Variants in CASZ1 observed in about 807,000 individuals in gnomAD.
The protein encoded by CASZ1 is castor zinc finger 1.
A neutral mutation model predicts 135.2 loss-of-function variants in CASZ1; 28 were observed. The observed-to-expected ratio is 0.21, with a 90% CI of 0.15 to 0.28. The LOEUF (loss-of-function observed/expected upper bound fraction) is 0.28. Ranked by LOEUF, CASZ1 falls within the 10% of genes least tolerant of loss-of-function variation. The pLI, the probability that CASZ1 is intolerant of heterozygous loss-of-function variation, is 1.00. For missense variants in CASZ1, 2,161 were observed against 2,453.3 expected, an observed-to-expected ratio of 0.88 and a Z score of 2.52; for synonymous variants, 1,068 against 1,073.4, an observed-to-expected ratio of 0.99 and a Z score of 0.10.
In CASZ1 at chr1:10,697,300, T is replaced by A. The variant is rs1474431338; in HGVS notation, c.-23-3388A>T. ...TCTGCTCATACCAAGAGGAGAGGCATCTTTTGAGGCTATGGCCCATCTTTG... is the reference window on the plus strand; with the variant it reads ...TCTGCTCATACCAAGAGGAGAGGCAACTTTTGAGGCTATGGCCCATCTTTG... On this transcript the variant is annotated intron_variant, in intron 3 of 20. Transcript: ENST00000377022. The surrounding 1 kb of genome is among the most constrained non-coding windows in gnomAD (Gnocchi z 4.7). 1.3e-5 allele frequency among the ~76,000 whole-genome samples: 2 copies of A among 151,460 alleles called. No individual in the cohort carries two copies. Among genetic ancestry groups the A allele is most frequent in the Non-Finnish European group, 2.9e-5 (2 of 67,906 alleles).
At chr1:10,730,740 C>A (rs284277) in intron 2 of CASZ1, among the ~76,000 whole-genome samples, 79,572 of 152,068 alleles carry the variant, frequency 0.52, 22,390 homozygotes, top group Non-Finnish European at 0.63. Flanking sequence ...GCCACTGCAA[C>A]CTTGACGGCA....
intron 3 of CASZ1, among the ~76,000 whole-genome samples, chr1:10,704,885 C>A (rs1639140140): frequency 1.3e-5 from 2 of 152,262 alleles, no homozygotes; most frequent in Non-Finnish European, 1.5e-5. Flanking sequence ...CTGGGCCAGG[C>A]TGGGGCAGCC....
intron 2 of CASZ1, among the ~76,000 whole-genome samples, chr1:10,730,575 G>A (rs1033567381): frequency 2.0e-5 from 3 of 152,168 alleles, no homozygotes; most frequent in African/African-American, 7.2e-5. Context: ...CAGACAAATT[G>A]TGATTTTTCA....
In CASZ1 at chr1:10,706,027, C is replaced by A. The variant is rs899915892; in HGVS notation, c.-76-483G>T. 1.3e-5 allele frequency among the ~76,000 whole-genome samples: 2 copies of A among 152,252 alleles called. No homozygotes were observed. The highest frequency in any genetic ancestry group is 4.8e-5 in the African/African-American group (2 of 41,468). ...TAAAAATGACAAATGCCAAACTGTT[C>A]GCTCTAGCAAGTTGGTGACAGAGGG... On this transcript the variant is annotated intron_variant, in intron 2 of 20. Coordinates refer to ENST00000377022, the MANE Select transcript of CASZ1 (RefSeq NM_001079843.3). The surrounding 1 kb of genome is among the most constrained non-coding windows in gnomAD (Gnocchi z 4.3).
intron 4 of CASZ1, among the ~76,000 whole-genome samples, chr1:10,674,024 C>T (rs982728093): frequency 6.6e-6 from 1 of 152,228 alleles, no homozygotes; most frequent in African/African-American, 2.4e-5. Context: ...TGCAGACGGA[C>T]AGACTGACAG....
rs1639008467 is a variant in CASZ1, at chr1:10,699,196, C to T, written c.-23-5284G>A. ...CGACATGGCCCAAATCTGGCCTCTC[C>T]CTGCACTTCCAGCTCATCCTCCGTT... On this transcript the variant is annotated intron_variant, in intron 3 of 20. Transcript: ENST00000377022. The surrounding 1 kb of genome is among the most constrained non-coding windows in gnomAD (Gnocchi z 4.6). Among the ~76,000 whole-genome samples, 1 of 152,218 alleles carries T rather than the reference C, an allele frequency of 6.6e-6. No individual in the cohort carries two copies. The highest frequency in any genetic ancestry group is 1.5e-5 in the Non-Finnish European group (1 of 68,030).
chr1:10,695,560 CT>C, intron 3 of CASZ1, among the ~76,000 whole-genome samples: 2 of 102,944 alleles, frequency 1.9e-5, no homozygotes, highest in African/African-American at 4.0e-5. Context: ...CCCATCCCGG[CT>C]CCTCCTCCCC....
At chr1:10,640,325 C>T in intron 20 of CASZ1, among the ~76,000 whole-genome samples, 1 of 152,218 alleles carries the variant, frequency 6.6e-6, no homozygotes, top group Non-Finnish European at 1.5e-5. Context: ...CCAACCAGCT[C>T]TGGGGGACGT....
Position 10,726,637 on chromosome 1 carries a change from C to T in CASZ1, c.-76-21093G>A, listed in dbSNP as rs2100497531. 6.6e-6 allele frequency among the ~76,000 whole-genome samples: 1 copy of T among 152,352 alleles called. No individual in the cohort carries two copies. The highest frequency in any genetic ancestry group is 3.4e-3 in the Middle Eastern group (1 of 294). The stretch of plus-strand genomic sequence containing the variant: ...AGGCCCTGGCGCTGTGCGGCCCCTG[C>T]CTGGGTGCGGTGCCAGCTCACTACA... On this transcript the variant is annotated intron_variant, in intron 2 of 20. Transcript: ENST00000377022. The surrounding 1 kb of genome is among the most constrained non-coding windows in gnomAD (Gnocchi z 5.7).
At chr1:10,749,223 C>T (rs1435074517) in intron 2 of CASZ1, among the ~76,000 whole-genome samples, 1 of 152,018 alleles carries the variant, frequency 6.6e-6, no homozygotes. Flanking sequence ...GGCGGCTTCA[C>T]ATTCCACCCT....
Position 10,755,350 on chromosome 1 carries a change from G to A in CASZ1, c.-77+5351C>T, listed in dbSNP as rs965010876. 1.4e-4 allele frequency among the ~76,000 whole-genome samples: 22 copies of A among 152,168 alleles called. No individual in the cohort carries two copies. The highest frequency in any genetic ancestry group is 2.6e-4 in the Admixed American group (4 of 15,278). ...GAGGAGATGATGCAGTCAGGACTCC[G>A]GGACTCCTCCATGTGTGAGACCTGA... On this transcript the variant is annotated intron_variant, in intron 2 of 20. Coordinates refer to ENST00000377022, the MANE Select transcript of CASZ1 (RefSeq NM_001079843.3). The surrounding 1 kb of genome is among the most constrained non-coding windows in gnomAD (Gnocchi z 4.3).
intron 3 of CASZ1, among the ~76,000 whole-genome samples, chr1:10,698,255 TA>T (rs1638983070): frequency 6.6e-6 from 1 of 152,254 alleles, no homozygotes; most frequent in African/African-American, 2.4e-5. Context: ...TGAATATTTG[TA>T]AACTAGATAT....
intron 2 of CASZ1, among the ~76,000 whole-genome samples, chr1:10,744,950 C>A (rs1356260957): frequency 6.6e-6 from 1 of 152,206 alleles, no homozygotes; most frequent in Non-Finnish European, 1.5e-5. Flanking sequence ...GACTCCACGG[C>A]CACTCCAAGT....
rs551351271 is a variant in CASZ1, at chr1:10,725,064, G to C, written c.-76-19520C>G. ...CAGAGGACGGAGGGAAGCAGCCCTCGCAGACGTGCAGGTGGCTGTTCTTCC... is the reference window on the plus strand; with the variant it reads ...CAGAGGACGGAGGGAAGCAGCCCTCCCAGACGTGCAGGTGGCTGTTCTTCC... On this transcript the variant is annotated intron_variant, in intron 2 of 20. Transcript: ENST00000377022. The surrounding 1 kb of genome is among the most constrained non-coding windows in gnomAD (Gnocchi z 4.4). Among the ~76,000 whole-genome samples the C allele has an allele frequency of 6.6e-6, 1 of 152,240 alleles. No homozygotes were observed. The highest frequency in any genetic ancestry group is 2.4e-5 in the African/African-American group (1 of 41,458).
At chr1:10,771,906 C>G (rs1640583699) in intron 1 of CASZ1, among the ~76,000 whole-genome samples, 1 of 152,214 alleles carries the variant, frequency 6.6e-6, no homozygotes, top group South Asian at 2.1e-4. Context: ...TGCTGCAGCC[C>G]CTTGTCCCGT....
chr1:10,656,616 G>A, intron 8 of CASZ1, 30 bp downstream of exon 8: 1 of 1,522,786 alleles, frequency 6.6e-7, no homozygotes. Flanking sequence ...TGGTGGCGGA[G>A]AGGCGGAGCC....
At chr1:10,650,636 A>C in intron 13 of CASZ1, 56 bp downstream of exon 13, 1 of 1,445,802 alleles carries the variant, frequency 6.9e-7, no homozygotes, top group Non-Finnish European at 9.7e-7. Flanking sequence ...ACCCCCCAGC[A>C]CAGCTTTAAT....
chr1:10,653,697 G>A lies in CASZ1; in HGVS notation c.2360C>T (p.Ala787Val), dbSNP rs1413609776. Residue 787 changes from alanine to valine, a missense_variant, in exon 11 of 21, where the codon GCC becomes GTC. Around this residue, in one of 7 missense-constraint regions of CASZ1, gnomAD observed 406 missense variants for 387.6 expected, o/e 1.05. Coordinates refer to ENST00000377022, the MANE Select transcript of CASZ1 (RefSeq NM_001079843.3). ...CAGGCCCGAGTTGGAGAGGGCCAGG[G>A]CCAGGGGGATTGAGCCAGGCAGGCC... The part of the protein sequence containing the change: ...PQGLPGSIPL[A>V]LALSNSGLPT... The A allele has an allele frequency of 3.8e-6, 6 of 1,587,388 alleles. No homozygotes were observed. The Admixed American group carries it at 6.9e-5, about 18-fold the overall frequency.
chr1:10,653,942 C>A lies in CASZ1; in HGVS notation c.2115G>T (p.Leu705=). The A allele has an allele frequency of 6.2e-7, 1 of 1,613,586 alleles. No homozygotes were observed. The highest frequency in any genetic ancestry group is 8.5e-7 in the Non-Finnish European group (1 of 1,179,716). ...RHIRSSGALG[L]PPSLLGAKDT... Reference sequence around the variant, plus strand: ...CCTTGGCGCCCAGCAGCGAGGGCGGCAGCCCCAGCGCGCCCGAGGAGCGGA... The same window carrying A: ...CCTTGGCGCCCAGCAGCGAGGGCGGAAGCCCCAGCGCGCCCGAGGAGCGGA... Residue 705 remains leucine (L), a synonymous_variant, in exon 11 of 21, where the codon CTG becomes CTT. Transcript: ENST00000377022.
Sources: allele counts gnomAD v4.1 joint callset (sites outside exome capture counted in the v4.1 genomes callset), GRCh38; gene constraint gnomAD v4.1.1; regional missense constraint gnomAD v4.1.1; non-coding constraint Gnocchi (gnomAD v3.1); transcripts MANE v1.5; gene names NCBI Gene and HGNC (gene_info 2026-07-23, HGNC 2026-07-21).